Variants in CASZ1 observed in about 807,000 individuals in gnomAD.
The protein encoded by CASZ1 is zinc finger protein castor homolog 1.
CASZ1 carries 28 observed loss-of-function variants against 135.2 expected under a neutral mutation model. That is an observed-to-expected ratio of 0.21 (90% CI 0.15 to 0.28). CASZ1 has a LOEUF of 0.28. Ranked by LOEUF, CASZ1 falls within the 10% of genes least tolerant of loss-of-function variation. The pLI is 1.00. For missense variants in CASZ1, 2,161 were observed against 2,453.3 expected (o/e 0.88, Z 2.52); for synonymous variants, 1,068 against 1,073.4 (o/e 0.99, Z 0.10).
rs547042414 is a variant in CASZ1 at position 10,728,054 on chromosome 1, G to C, written c.-76-22510C>G. Among the ~76,000 whole-genome samples the C allele has an allele frequency of 2.6e-5, 4 of 152,240 alleles. No homozygotes were observed. The South Asian group carries it at 6.2e-4, about 24-fold the overall frequency. On this transcript the variant is annotated intron_variant, in intron 2 of 20. Transcript: ENST00000377022. ...TCCGGGCTCCCCGTCAACACATCGC[G>C]GTGGTAGGTCTGCTCCTTCCCCACA...
At chr1:10,778,058 C>T (rs1343795520) in intron 1 of CASZ1, among the ~76,000 whole-genome samples, 1 of 152,026 alleles carries the variant, frequency 6.6e-6, no homozygotes, top group Non-Finnish European at 1.5e-5. Context: ...CAATTTCACG[C>T]AAAATCTCAC....
chr1:10,673,699 T>C (rs1407082237), intron 4 of CASZ1, among the ~76,000 whole-genome samples: 1 of 152,176 alleles, frequency 6.6e-6, no homozygotes, highest in Non-Finnish European at 1.5e-5. Context: ...TGCCACCATC[T>C]GGGGGGCTCT....
intron 6 of CASZ1, among the ~76,000 whole-genome samples, chr1:10,659,076 T>C (rs569529656): frequency 6.6e-6 from 1 of 152,148 alleles, no homozygotes; most frequent in South Asian, 2.1e-4. Flanking sequence ...CCCCACACCA[T>C]CCACTACTTG....
At position 10,653,804 on chromosome 1, in the gene CASZ1, C is replaced by T. The variant is rs753378695; in HGVS notation, c.2253G>A (p.Leu751=). The change falls in exon 11 of 21, where the codon CTG becomes CTA. Residue 751 remains leucine, a synonymous_variant. Transcript: ENST00000377022. ...SPTSQQSSAS[L]AAATAATEAG... ...CCTCGGTGGCGGCAGTGGCGGCAGC[C>T]AGGGACGCAGAGGACTGCTGGCTGG... 1.2e-6 allele frequency: 2 copies of T among 1,609,420 alleles called. No homozygotes were observed. The highest frequency in any genetic ancestry group is 1.3e-5 in the African/African-American group (1 of 74,850).
chr1:10,683,924 C>T (rs1638504929), intron 4 of CASZ1, among the ~76,000 whole-genome samples: 1 of 152,212 alleles, frequency 6.6e-6, no homozygotes, highest in South Asian at 2.1e-4. Context: ...CCAGGCAGCA[C>T]GGTAGATACC....
In CASZ1 at chr1:10,676,635, C is replaced by T. The variant is rs1212173237; in HGVS notation, c.17-11064G>A. ...CCTGGGATCCTATTTCCACAGCAGG[C>T]CTCCCTCCACCTTGGTGCCTGCCCT... On this transcript the variant is annotated intron_variant, in intron 4 of 20. Coordinates refer to ENST00000377022, the MANE Select transcript of CASZ1 (RefSeq NM_001079843.3). The surrounding 1 kb of genome is among the most constrained non-coding windows in gnomAD (Gnocchi z 4.5). 1.3e-5 allele frequency among the ~76,000 whole-genome samples: 2 copies of T among 152,192 alleles called. No homozygotes were observed. Among genetic ancestry groups the T allele is most frequent in the African/African-American group, 4.8e-5 (2 of 41,432 alleles).
intron 2 of CASZ1, among the ~76,000 whole-genome samples, chr1:10,718,200 C>T (rs546746214): frequency 1.3e-5 from 2 of 152,296 alleles, no homozygotes; most frequent in East Asian, 1.9e-4. Flanking sequence ...CCGACTGGTT[C>T]GCAGTCTCCC....
chr1:10,675,355 TA>T (rs1260034792), intron 4 of CASZ1, among the ~76,000 whole-genome samples: 5 of 151,716 alleles, frequency 3.3e-5, no homozygotes, highest in Non-Finnish European at 7.4e-5. Flanking sequence ...TCCTGAGGCC[TA>T]AAGGGCCAGA....
chr1:10,639,025 C>T lies in CASZ1; in HGVS notation c.5197G>A (p.Ala1733Thr). ...LPEAAAEAAG[A>T]GARTPALAAL... ...GCCAAGGCCGGGGTCCGCGCGCCCGCGCCCGCCGCCTCCGCCGCCGCCTCG... is the reference window on the plus strand; with the variant it reads ...GCCAAGGCCGGGGTCCGCGCGCCCGTGCCCGCCGCCTCCGCCGCCGCCTCG... Residue 1733 changes from alanine (A) to threonine (T), a missense_variant, in exon 21 of 21, where the codon GCG (alanine) becomes ACG (threonine). Coordinates refer to ENST00000377022, the MANE Select transcript of CASZ1 (RefSeq NM_001079843.3). This position sits in a 1 kb window ranked among gnomAD's most constrained non-coding sequence, Gnocchi z 4.0. 2.9e-6 allele frequency: 3 copies of T among 1,020,448 alleles called. No homozygotes were observed. Among genetic ancestry groups the T allele is most frequent in the Non-Finnish European group, 3.5e-6 (3 of 846,224 alleles). The allele number at this position is 1,020,448 out of a possible 1,614,324, so 63.2% of individuals were successfully genotyped here.
intron 11 of CASZ1, chr1:10,651,443 T>C (rs1275666870): frequency 6.1e-6 from 1 of 163,698 alleles, no homozygotes; most frequent in Non-Finnish European, 1.3e-5. Context: ...TGAGGGAAAG[T>C]GGCAGATCTG....
intron 13 of CASZ1, chr1:10,650,331 A>G (rs1305913396): frequency 1.3e-5 from 2 of 153,366 alleles, no homozygotes. Context: ...CTCCCACTTT[A>G]GTCCCCCCTC....
At position 10,639,559 on chromosome 1, in the gene CASZ1, CGCTGGA is replaced by C; in HGVS notation, c.4657_4662del (p.Ser1553_Ser1554del). On this transcript the variant is annotated inframe_deletion, in exon 21 of 21. Transcript: ENST00000377022. This position sits in a 1 kb window ranked among gnomAD's most constrained non-coding sequence, Gnocchi z 4.0. ...TTGCAGTCGGGCACGGCGCAGTCGGCGCTGGAGCTGAACTGGCAGAAGCCCGCGGCG... is the reference window on the plus strand; with the variant it reads ...TTGCAGTCGGGCACGGCGCAGTCGGCGCTGAACTGGCAGAAGCCCGCGGCG... The C allele has an allele frequency of 6.2e-7, 1 of 1,611,138 alleles. No individual in the cohort carries two copies. Among genetic ancestry groups the C allele is most frequent in the Non-Finnish European group, 8.5e-7 (1 of 1,178,798 alleles).
chr1:10,650,775 GGACTT>G lies in CASZ1; in HGVS notation c.2817-25_2817-21del. 1 of 1,608,704 alleles carries G rather than the reference GGACTT, an allele frequency of 6.2e-7. No homozygotes were observed. The highest frequency in any genetic ancestry group is 8.5e-7 in the Non-Finnish European group (1 of 1,178,898). On this transcript the variant is annotated intron_variant, in intron 12 of 20. Coordinates refer to ENST00000377022, the MANE Select transcript of CASZ1 (RefSeq NM_001079843.3). ...TCGTTGCTAGAACACACAAACCAAG[GGACTT>G]GAGCTCAGACGGCCGGGGCCTGGGC...
At position 10,674,408 on chromosome 1, in the gene CASZ1, C is replaced by T. The variant is rs369851106; in HGVS notation, c.17-8837G>A. On this transcript the variant is annotated intron_variant, in intron 4 of 20. Transcript: ENST00000377022. Reference sequence around the variant, plus strand: ...TCCTGAATCCAGCGTGGGGTCCGAGCCTTCCCCGGCACCGCTGCTGCGGGA... The same window carrying T: ...TCCTGAATCCAGCGTGGGGTCCGAGTCTTCCCCGGCACCGCTGCTGCGGGA... Among the ~76,000 whole-genome samples, 20 of 152,366 alleles carry T rather than the reference C, an allele frequency of 1.3e-4. No individual in the cohort carries two copies. The East Asian group carries it at 1.9e-3, about 15-fold the overall frequency.
chr1:10,792,296 A>G (rs1441712409), intron 1 of CASZ1, among the ~76,000 whole-genome samples: 1 of 129,614 alleles, frequency 7.7e-6, no homozygotes, highest in East Asian at 2.9e-4. Flanking sequence ...TGAAAGCCAA[A>G]TGCTCTGTAC....
intron 7 of CASZ1, 162 bp downstream of exon 7, chr1:10,658,346 A>G: frequency 1.6e-6 from 1 of 627,890 alleles, no homozygotes; most frequent in East Asian, 2.8e-5. Context: ...ACGGGCGTGC[A>G]GGGCAGCCCT....
chr1:10,653,506 C>G lies in CASZ1; in HGVS notation c.2551G>C (p.Ala851Pro), dbSNP rs755018870. Reference protein sequence around the residue: ...ASGAGDSAPVAAASVPAPPAS... With the variant: ...ASGAGDSAPVPAASVPAPPAS... Reference sequence around the variant, plus strand: ...GGTGGTGCCGGGACAGAGGCGGCAGCCACGGGGGCTGAGTCTCCAGCTCCC... The same window carrying G: ...GGTGGTGCCGGGACAGAGGCGGCAGGCACGGGGGCTGAGTCTCCAGCTCCC... The change falls in exon 11 of 21, where the codon GCT becomes CCT. Residue 851 changes from alanine to proline, a missense_variant. Around this residue, in one of 7 missense-constraint regions of CASZ1, gnomAD observed 406 missense variants for 387.6 expected, o/e 1.05. Transcript: ENST00000377022. The G allele has an allele frequency of 6.2e-7, 1 of 1,610,248 alleles. No homozygotes were observed. The highest frequency in any genetic ancestry group is 8.5e-7 in the Non-Finnish European group (1 of 1,177,974).
intron 1 of CASZ1, among the ~76,000 whole-genome samples, chr1:10,782,143 G>T (rs1640773957): frequency 6.6e-6 from 1 of 152,260 alleles, no homozygotes; most frequent in Non-Finnish European, 1.5e-5. Flanking sequence ...TCAGGCTAAA[G>T]AGTTGCTATG....
intron 2 of CASZ1, among the ~76,000 whole-genome samples, chr1:10,732,922 C>T (rs1264036701): frequency 1.3e-5 from 2 of 152,068 alleles, no homozygotes; most frequent in African/African-American, 4.8e-5. Flanking sequence ...TTCCCAGGGA[C>T]GTGTTAATTA....
Sources: allele counts gnomAD v4.1 joint callset (sites outside exome capture counted in the v4.1 genomes callset), GRCh38; gene constraint gnomAD v4.1.1; regional missense constraint gnomAD v4.1.1; non-coding constraint Gnocchi (gnomAD v3.1); transcripts MANE v1.5; gene names NCBI Gene and HGNC (gene_info 2026-07-23, HGNC 2026-07-21).